The following TUSC3 variants were observed in gnomAD, a reference collection of about 807,000 sequenced individuals.
TUSC3 encodes dolichyl-diphosphooligosaccharide--protein glycosyltransferase subunit TUSC3.
TUSC3 carries 45 observed loss-of-function variants against 44.8 expected under a neutral mutation model. That is an observed-to-expected ratio of 1.00 (90% CI 0.79 to 1.29). The LOEUF (loss-of-function observed/expected upper bound fraction) is 1.29. Among genes scored for constraint, TUSC3 ranks in the 50% most tolerant of loss-of-function variants. The pLI is 0.00. For missense variants in TUSC3, 519 were observed against 437.9 expected, an observed-to-expected ratio of 1.19 and a Z score of -1.65; for synonymous variants, 212 against 152.9, an observed-to-expected ratio of 1.39 and a Z score of -2.85.
intron 2 of TUSC3, among the ~76,000 whole-genome samples, chr8:15,530,839 A>G (rs117883669): frequency 0.014 from 2,089 of 152,258 alleles, 31 homozygotes; most frequent in Non-Finnish European, 0.022. Context: ...GTAAATAAAG[A>G]TGGTTATGCC....
intron 6 of TUSC3, among the ~76,000 whole-genome samples, chr8:15,685,933 T>C (rs1808610894): frequency 1.3e-5 from 2 of 149,712 alleles, no homozygotes; most frequent in Non-Finnish European, 3.0e-5. Flanking sequence ...AAATCAAACA[T>C]GTCTAGGAAA....
At chr8:15,776,172 T>G in the TUSC3 span, among the ~76,000 whole-genome samples, 2 of 152,252 alleles carry the variant, frequency 1.3e-5, no homozygotes, top group East Asian at 3.9e-4. Context: ...ACTTTTCAGC[T>G]GATTATGAAC....
chr8:15,462,508 C>T lies in TUSC3; in HGVS notation n.92-20878C>T, dbSNP rs565973749. Among the ~76,000 whole-genome samples, 7 of 152,098 alleles carry T rather than the reference C, an allele frequency of 4.6e-5. 1 individual carries two copies. The highest frequency in any genetic ancestry group is 3.3e-4 in the Admixed American group (5 of 15,262). Reference sequence around the variant, plus strand: ...AGACTAGATCATAGCCTCTACACAACGACTGCCTGTTAATGTTATCTCCCT... The same window carrying T: ...AGACTAGATCATAGCCTCTACACAATGACTGCCTGTTAATGTTATCTCCCT... On this transcript the variant is annotated intron_variant and non_coding_transcript_variant, in intron 1 of 5. Coordinates refer to the TUSC3 transcript ENST00000503191.
chr8:15,624,131 C>G (rs1805384219), intron 2 of TUSC3, among the ~76,000 whole-genome samples: 1 of 152,070 alleles, frequency 6.6e-6, no homozygotes, highest in South Asian at 2.1e-4. Flanking sequence ...AAAATACGTC[C>G]AAGTTGTTAT....
intron 1 of TUSC3, among the ~76,000 whole-genome samples, chr8:15,455,194 G>C (rs2010663): frequency 0.97 from 147,173 of 152,254 alleles, 71,287 homozygotes; most frequent in Non-Finnish European, 1. Context: ...CACATACCAA[G>C]TGACCTCTGG....
intron 6 of TUSC3, among the ~76,000 whole-genome samples, chr8:15,705,017 T>C (rs1341301847): frequency 2.0e-5 from 3 of 152,044 alleles, no homozygotes; most frequent in African/African-American, 7.2e-5. Context: ...CTCTGTGGCA[T>C]CTCATATTTT....
the TUSC3 span, among the ~76,000 whole-genome samples, chr8:15,835,694 G>A: frequency 6.6e-6 from 1 of 152,100 alleles, no homozygotes; most frequent in Non-Finnish European, 1.5e-5. Flanking sequence ...GCTCTGTGCA[G>A]CTAGGAGAGA....
chr8:15,635,849 A>T (rs1806048160), intron 2 of TUSC3, among the ~76,000 whole-genome samples: 1 of 152,162 alleles, frequency 6.6e-6, no homozygotes, highest in South Asian at 2.1e-4. Context: ...TGTAGGTTTA[A>T]TTAGCAGCTT....
the TUSC3 span, among the ~76,000 whole-genome samples, chr8:15,823,879 G>A: frequency 6.6e-6 from 1 of 152,182 alleles, no homozygotes; most frequent in Non-Finnish European, 1.5e-5. Context: ...CTTCCGTAAA[G>A]CATTATTTAT....
Position 15,757,868 on chromosome 8 carries a change from ATCT to A in TUSC3, c.*46+17_*46+19del. 1 of 1,384,740 alleles carries A rather than the reference ATCT, an allele frequency of 7.2e-7. No individual in the cohort carries two copies. The highest frequency in any genetic ancestry group is 1.0e-6 in the Non-Finnish European group (1 of 971,094). 85.8% of individuals were successfully genotyped at this position (1,384,740 alleles called of 1,614,324 possible). On this transcript the variant is annotated intron_variant, in intron 10 of 10. Coordinates refer to ENST00000503731, the MANE Select transcript of TUSC3 (RefSeq NM_006765.4). The stretch of plus-strand genomic sequence containing the variant: ...TCTATAACCTCAGGCAAGTCTTTTA[ATCT>A]TCTCTGAGCCTCAGTTTTCCTCATT...
At chr8:15,597,994 C>T (rs1447240756) in intron 1 of TUSC3, among the ~76,000 whole-genome samples, 1 of 151,958 alleles carries the variant, frequency 6.6e-6, no homozygotes, top group East Asian at 1.9e-4. Context: ...TGTGTCCTAG[C>T]GTTGATATTT....
At chr8:15,636,121 G>A (rs1157036171) in intron 2 of TUSC3, among the ~76,000 whole-genome samples, 1 of 152,110 alleles carries the variant, frequency 6.6e-6, no homozygotes, top group Non-Finnish European at 1.5e-5. Flanking sequence ...TCTGCCCACT[G>A]AGCAGAACAA....
chr8:15,797,925 T>C, the TUSC3 span, among the ~76,000 whole-genome samples: 1 of 152,206 alleles, frequency 6.6e-6, no homozygotes, highest in South Asian at 2.1e-4. Flanking sequence ...TTCCACCGAC[T>C]ATATAAGGCT....
At chr8:15,591,699 C>G (rs1050728190) in intron 1 of TUSC3, among the ~76,000 whole-genome samples, 1 of 152,084 alleles carries the variant, frequency 6.6e-6, no homozygotes, top group Non-Finnish European at 1.5e-5. Flanking sequence ...AAGTAAGAAT[C>G]TTCTAGACAC....
At chr8:15,555,578 C>G (rs886878851) in intron 1 of TUSC3, among the ~76,000 whole-genome samples, 1 of 151,480 alleles carries the variant, frequency 6.6e-6, no homozygotes, top group Non-Finnish European at 1.5e-5. Flanking sequence ...TACAGTATTA[C>G]AGTCTTAAAA....
chr8:15,684,461 T>A (rs1048465190), intron 6 of TUSC3, among the ~76,000 whole-genome samples: 2 of 152,130 alleles, frequency 1.3e-5, no homozygotes, highest in Non-Finnish European at 2.9e-5. Flanking sequence ...CCTGACCTGG[T>A]GGGTCTCCCG....
intron 6 of TUSC3, among the ~76,000 whole-genome samples, chr8:15,720,197 T>TACACACACACAC (rs1239480224): frequency 2.8e-5 from 3 of 105,318 alleles, no homozygotes; most frequent in East Asian, 2.7e-4. Context: ...AGTGTATATA[T>TACACACACACAC]ATATACACAC....
intron 7 of TUSC3, 42 bp from the exon 8 acceptor site, chr8:15,743,496 T>A: frequency 6.3e-7 from 1 of 1,593,682 alleles, no homozygotes; most frequent in East Asian, 2.2e-5. Context: ...TAATAGATTT[T>A]ATTCACATCT....
At chr8:15,604,806 C>A (rs1303812749) in intron 1 of TUSC3, among the ~76,000 whole-genome samples, 1 of 151,118 alleles carries the variant, frequency 6.6e-6, no homozygotes, top group Non-Finnish European at 1.5e-5. Flanking sequence ...TACATTTTTT[C>A]TATATTTGGC....
Sources: gnomAD v4.1 joint callset for allele counts (sites outside exome capture counted in the v4.1 genomes callset) on GRCh38, gnomAD v4.1.1 for gene constraint, MANE v1.5 for transcripts, NCBI Gene and HGNC (gene_info 2026-07-23, HGNC 2026-07-21) for gene names.